The following PXN variants were observed in gnomAD, a reference collection of about 807,000 sequenced individuals.
PXN encodes paxillin, also known as testicular tissue protein Li 134.
PXN carries 61 observed loss-of-function variants against 103.6 expected under a neutral mutation model. The ratio of observed to expected loss-of-function variants is 0.59; its 90% confidence interval spans 0.48 to 0.73. The LOEUF (loss-of-function observed/expected upper bound fraction) is 0.73. Ranked by LOEUF, PXN falls within the 30% of genes least tolerant of loss-of-function variation. The pLI is 0.00. For missense variants in PXN, 1,274 were observed against 1,460.3 expected (o/e 0.87, Z 2.08); for synonymous variants, 562 against 607.8 (o/e 0.92, Z 1.11).
intron 1 of PXN, among the ~76,000 whole-genome samples, chr12:120,242,479 G>T (rs1890326025): frequency 6.6e-6 from 1 of 152,106 alleles, no homozygotes; most frequent in Admixed American, 6.6e-5. Context: ...CTCACCACTG[G>T]GGCCAGAGGG....
Position 120,215,544 on chromosome 12 carries a change from C to A in PXN, c.2403+16G>T. 1 of 1,564,254 alleles carries A rather than the reference C, an allele frequency of 6.4e-7. No individual in the cohort carries two copies. Among genetic ancestry groups the A allele is most frequent in the South Asian group, 1.2e-5 (1 of 86,248 alleles). On this transcript the variant is annotated intron_variant, in intron 10 of 14. Transcript: ENST00000637617. The surrounding 1 kb of genome is among the most constrained non-coding windows in gnomAD (Gnocchi z 4.9). ...AGCACGACACGCAGGACACCCAGCC[C>A]AGCCTTGGCACTGACCCCTCCCTCG...
At chr12:120,250,240 A>G (rs767331485) in intron 1 of PXN, 3 of 966,132 alleles carry the variant, frequency 3.1e-6, no homozygotes, top group Non-Finnish European at 2.5e-6. Flanking sequence ...GTTCCTGGAA[A>G]CAGAGGGGGC....
chr12:120,211,190 C>G lies in PXN; in HGVS notation c.*1124G>C, dbSNP rs1025260862. On this transcript the variant is annotated 3_prime_UTR_variant, in exon 15 of 15. Coordinates refer to ENST00000637617, the MANE Select transcript of PXN (RefSeq NM_001385981.1). ...CCCCCCAAAACATACTTCCCCTTCT[C>G]CTCCCACAGAAACAGAACAGATAAA... 3 of 152,462 alleles carry G rather than the reference C, an allele frequency of 2.0e-5. No homozygotes were observed. The highest frequency in any genetic ancestry group is 4.4e-5 in the Non-Finnish European group (3 of 68,200). 9.4% of individuals were successfully genotyped at this position (152,462 alleles called of 1,614,324 possible).
chr12:120,246,514 C>CAAAAAAAAAA (rs139689226), intron 1 of PXN, among the ~76,000 whole-genome samples: 2 of 58,328 alleles, frequency 3.4e-5, no homozygotes, highest in African/African-American at 6.2e-5. Flanking sequence ...GACTCTGTCT[C>CAAAAAAAAAA]AAAAAAAAAA....
chr12:120,253,981 G>C (rs1434309229), intron 1 of PXN, among the ~76,000 whole-genome samples: 1 of 152,108 alleles, frequency 6.6e-6, no homozygotes, highest in Admixed American at 6.6e-5. Context: ...CTTGGGTTCA[G>C]GCGATTCTCC....
At chr12:120,235,657 TTC>T (rs771540894) in intron 1 of PXN, among the ~76,000 whole-genome samples, 1 of 152,126 alleles carries the variant, frequency 6.6e-6, no homozygotes, top group Non-Finnish European at 1.5e-5. Context: ...AAGTCTCCTG[TTC>T]TCTTTTCTTT....
chr12:120,248,281 C>T (rs1045130719), intron 1 of PXN, among the ~76,000 whole-genome samples: 12 of 152,004 alleles, frequency 7.9e-5, no homozygotes, highest in Non-Finnish European at 2.9e-5. Context: ...GCAGGAAATG[C>T]TCCCTCCTCT....
At position 120,229,037 on chromosome 12, in the gene PXN, G is replaced by A. The variant is rs1022825429; in HGVS notation, c.14-4660C>T. Among the ~76,000 whole-genome samples the A allele has an allele frequency of 2.7e-5, 4 of 149,558 alleles. No homozygotes were observed. Among genetic ancestry groups the A allele is most frequent in the Non-Finnish European group, 6.0e-5 (4 of 66,322 alleles). On this transcript the variant is annotated intron_variant, in intron 1 of 14. Coordinates refer to ENST00000637617, the MANE Select transcript of PXN (RefSeq NM_001385981.1). This position sits in a 1 kb window ranked among gnomAD's most constrained non-coding sequence, Gnocchi z 4.0. ...ACAGACACCCTCAGCCCACTGCTCC[G>A]AGGAGGAGGGGACCGGTTCGCCTGC...
chr12:120,242,271 C>T (rs1890284805), intron 1 of PXN, among the ~76,000 whole-genome samples: 1 of 152,180 alleles, frequency 6.6e-6, no homozygotes. Flanking sequence ...TTGCATGCAG[C>T]CTGCTCTGGG....
At chr12:120,250,086 AC>A in intron 1 of PXN, 5 of 985,488 alleles carry the variant, frequency 5.1e-6, no homozygotes, top group Non-Finnish European at 4.8e-6. Flanking sequence ...AGCCCATCCC[AC>A]TCAGCTGTCC....
intron 1 of PXN, among the ~76,000 whole-genome samples, chr12:120,251,962 G>T (rs528063300): frequency 6.6e-6 from 1 of 152,328 alleles, no homozygotes; most frequent in East Asian, 1.9e-4. Flanking sequence ...TTTCGGGAAA[G>T]TATGTCAGGA....
chr12:120,256,117 G>C (rs993422026), intron 1 of PXN, among the ~76,000 whole-genome samples: 1 of 151,802 alleles, frequency 6.6e-6, no homozygotes, highest in Admixed American at 6.6e-5. Flanking sequence ...AAAGTAAAAA[G>C]AGGGAAACAG....
In PXN at chr12:120,216,231, TAGGAC is replaced by T; in HGVS notation, c.2301+37_2301+41del. ...GCAGAGTGGGGGATGGCTCAGGCAT[TAGGAC>T]AGGGGACAGAAAGGGAGGGGCTCCT... On this transcript the variant is annotated intron_variant, in intron 9 of 14. Transcript: ENST00000637617. This position sits in a 1 kb window ranked among gnomAD's most constrained non-coding sequence, Gnocchi z 5.1. The T allele has an allele frequency of 7.9e-7, 1 of 1,268,850 alleles. No homozygotes were observed. Among genetic ancestry groups the T allele is most frequent in the Non-Finnish European group, 9.9e-7 (1 of 1,011,096 alleles). 78.6% of individuals were successfully genotyped at this position (1,268,850 alleles called of 1,614,324 possible).
intron 1 of PXN, among the ~76,000 whole-genome samples, chr12:120,256,908 G>A (rs565082802): frequency 1.3e-5 from 2 of 152,210 alleles, no homozygotes; most frequent in African/African-American, 4.8e-5. Context: ...TAGAGATGGG[G>A]TTTCTCCATG....
chr12:120,239,426 C>CA (rs1396311854), intron 1 of PXN, among the ~76,000 whole-genome samples: 1 of 152,102 alleles, frequency 6.6e-6, no homozygotes, highest in Non-Finnish European at 1.5e-5. Context: ...ACTGAAAATA[C>CA]AAAAAATTAG....
chr12:120,212,592 A>C lies in PXN; in HGVS notation c.2980-12T>G. On this transcript the variant is annotated splice_polypyrimidine_tract_variant and intron_variant, in intron 14 of 14. Transcript: ENST00000637617. The surrounding 1 kb of genome is among the most constrained non-coding windows in gnomAD (Gnocchi z 7.2). Reference sequence around the variant, plus strand: ...GGCGTGAAGCATTCCTGCCAGGCGGAGAGAGGGGCTCAGGGAGCTGCCCCT... The same window carrying C: ...GGCGTGAAGCATTCCTGCCAGGCGGCGAGAGGGGCTCAGGGAGCTGCCCCT... 6.2e-7 allele frequency: 1 copy of C among 1,607,988 alleles called. No homozygotes were observed. Among genetic ancestry groups the C allele is most frequent in the Non-Finnish European group, 8.5e-7 (1 of 1,176,264 alleles).
intron 1 of PXN, chr12:120,250,203 T>C: frequency 1.0e-6 from 1 of 983,374 alleles, no homozygotes; most frequent in Non-Finnish European, 1.2e-6. Context: ...CATTGGACAC[T>C]CCCATTTCCA....
rs1881292961 is a variant in PXN at position 120,213,713 on chromosome 12, C to A, written c.2979+129G>T. 7.6e-7 allele frequency: 1 copy of A among 1,316,202 alleles called. No individual in the cohort carries two copies. The allele number at this position is 1,316,202 out of a possible 1,614,324, so 81.5% of individuals were successfully genotyped here. ...TACTGGACTGGAGGAAGGAGATCCC[C>A]TGCCTGCTCCCCCAATTAATAACCC... On this transcript the variant is annotated intron_variant, in intron 14 of 14. Coordinates refer to ENST00000637617, the MANE Select transcript of PXN (RefSeq NM_001385981.1). This position sits in a 1 kb window ranked among gnomAD's most constrained non-coding sequence, Gnocchi z 4.2.
chr12:120,218,405 C>G (rs1566370146), intron 7 of PXN, among the ~76,000 whole-genome samples: 1 of 152,062 alleles, frequency 6.6e-6, no homozygotes, highest in Non-Finnish European at 1.5e-5. Flanking sequence ...CCAAGTTTCA[C>G]TCTTGTTGCC....
Sources: allele counts gnomAD v4.1 joint callset (sites outside exome capture counted in the v4.1 genomes callset), GRCh38; gene constraint gnomAD v4.1.1; non-coding constraint Gnocchi (gnomAD v3.1); transcripts MANE v1.5; gene names NCBI Gene and HGNC (gene_info 2026-07-23, HGNC 2026-07-21).